BCAS3: variants seen among roughly 807,000 people sequenced by gnomAD.
The protein encoded by BCAS3 is BCAS4/BCAS3 fusion.
BCAS3 carries 53 observed loss-of-function variants against 116.1 expected under a neutral mutation model. The ratio of observed to expected loss-of-function variants is 0.46; its 90% CI spans 0.37 to 0.57. The LOEUF (loss-of-function observed/expected upper bound fraction) is 0.57. BCAS3 is among the 20% of genes least tolerant of loss of function. The pLI is 0.00. For missense variants in BCAS3, 917 were observed against 1,165.4 expected (o/e 0.79, Z 3.10); for synonymous variants, 391 against 408.2 (o/e 0.96, Z 0.51).
chr17:61,000,130 TA>T (rs959301713), intron 15 of BCAS3, among the ~76,000 whole-genome samples: 1 of 151,912 alleles, frequency 6.6e-6, no homozygotes, highest in Non-Finnish European at 1.5e-5. Context: ...TTATTTCTGT[TA>T]CCTAATCACT....
chr17:60,951,952 A>C (rs2060864297), intron 14 of BCAS3, among the ~76,000 whole-genome samples: 1 of 151,594 alleles, frequency 6.6e-6, no homozygotes, highest in Non-Finnish European at 1.5e-5. Context: ...TTGTATTTTT[A>C]GTAGAGACAG....
Position 60,924,416 on chromosome 17 carries a change from A to C in BCAS3, c.1003A>C (p.Ser335Arg). ...ETVGEGQVLV[S>R]EDSDSDGIVA... is the part of the protein sequence containing the mutation. ...TTATTTCTTTGTGAAGGTGCTTGTG[A>C]GTGAGGATTCTGACAGTGATGGCAT... is the stretch of plus-strand genomic sequence containing the variant. Residue 335 changes from serine to arginine, a missense_variant, in exon 13 of 24, where the codon AGT (serine) becomes CGT (arginine). Around this residue, in one of 3 missense-constraint regions of BCAS3, gnomAD observed 807 missense variants for 1,026.0 expected, o/e 0.79. Transcript: ENST00000407086. The C allele has an allele frequency of 6.2e-7, 1 of 1,610,092 alleles. No individual in the cohort carries two copies. The highest frequency in any genetic ancestry group is 8.5e-7 in the Non-Finnish European group (1 of 1,177,778).
intron 5 of BCAS3, among the ~76,000 whole-genome samples, chr17:60,730,527 C>G (rs2040353894): frequency 6.6e-6 from 1 of 152,106 alleles, no homozygotes; most frequent in Non-Finnish European, 1.5e-5. Context: ...TACTGACACT[C>G]TGATATTAAC....
rs2057380947 is a variant in BCAS3, at chr17:61,344,505, T to C, written c.2426-23822T>C. ...TGGGTCCTAAGTTTTGAGGGTACCA[T>C]GGAGAGCAAAGTAGATGATATCTCT... On this transcript the variant is annotated intron_variant, in intron 22 of 23. Transcript: ENST00000407086. This position sits in a 1 kb window ranked among gnomAD's most constrained non-coding sequence, Gnocchi z 4.1. Among the ~76,000 whole-genome samples the C allele has an allele frequency of 3.3e-5, 5 of 152,152 alleles. No individual in the cohort carries two copies. Among genetic ancestry groups the C allele is most frequent in the Admixed American group, 3.3e-4 (5 of 15,286 alleles).
At chr17:60,891,855 G>T (rs1169357753) in intron 10 of BCAS3, 2 of 391,164 alleles carry the variant, frequency 5.1e-6, no homozygotes, top group Non-Finnish European at 1.0e-5. Context: ...TCATCATCAT[G>T]TGTACCCATT....
intron 5 of BCAS3, among the ~76,000 whole-genome samples, chr17:60,731,511 A>G (rs754923908): frequency 4.6e-5 from 7 of 152,214 alleles, no homozygotes; most frequent in Non-Finnish European, 8.8e-5. Context: ...CTTAATGTGT[A>G]TATTTAAATG....
At chr17:60,893,748 A>G (rs1334327093) in intron 10 of BCAS3, among the ~76,000 whole-genome samples, 2 of 151,724 alleles carry the variant, frequency 1.3e-5, no homozygotes, top group African/African-American at 4.8e-5. Flanking sequence ...AGCCGGGACT[A>G]TAGGCACATG....
rs1326375756 is a variant in BCAS3, at chr17:60,993,187, G to T, written c.1486+2952G>T. Among the ~76,000 whole-genome samples, 1 of 152,188 alleles carries T rather than the reference G, an allele frequency of 6.6e-6. No individual in the cohort carries two copies. The highest frequency in any genetic ancestry group is 1.5e-5 in the Non-Finnish European group (1 of 68,020). On this transcript the variant is annotated intron_variant, in intron 15 of 23. Transcript: ENST00000407086. The surrounding 1 kb of genome is among the most constrained non-coding windows in gnomAD (Gnocchi z 4.2). ...ATCTTGTATTCCACGGGAAAAGACA[G>T]ATATTAAATGACTGTGAACAAATAC...
rs1321938067 is a variant in BCAS3 at position 61,118,254 on chromosome 17, G to T, written c.2425+33690G>T. On this transcript the variant is annotated intron_variant, in intron 22 of 23. Coordinates refer to ENST00000407086, the MANE Select transcript of BCAS3 (RefSeq NM_017679.5). This position sits in a 1 kb window ranked among gnomAD's most constrained non-coding sequence, Gnocchi z 5.0. ...CACACTACTGTTACCACCCAATCAG[G>T]TTACTACTTGGGAGAGATGGAAGTC... Among the ~76,000 whole-genome samples, 1 of 152,102 alleles carries T rather than the reference G, an allele frequency of 6.6e-6. No individual in the cohort carries two copies. Among genetic ancestry groups the T allele is most frequent in the Non-Finnish European group, 1.5e-5 (1 of 68,010 alleles).
chr17:61,274,437 T>A (rs1255036046), intron 22 of BCAS3, among the ~76,000 whole-genome samples: 2 of 151,790 alleles, frequency 1.3e-5, no homozygotes, highest in African/African-American at 4.8e-5. Flanking sequence ...CACAGGCGTG[T>A]GCCACCACAC....
intron 15 of BCAS3, among the ~76,000 whole-genome samples, chr17:60,996,277 G>C (rs1186923653): frequency 6.6e-6 from 1 of 152,178 alleles, no homozygotes; most frequent in Non-Finnish European, 1.5e-5. Context: ...ACTTAGTTGA[G>C]ACCAGTTAGG....
chr17:60,705,335 A>G lies in BCAS3; in HGVS notation c.215-3884A>G, dbSNP rs181059442. ...GGAGTTCGAGACCAGCCTGGCCAAC[A>G]TGGCGAAACCCTGTCTCTACTAAAA... is the stretch of plus-strand genomic sequence containing the variant. On this transcript the variant is annotated intron_variant, in intron 4 of 23. Coordinates refer to ENST00000407086, the MANE Select transcript of BCAS3 (RefSeq NM_017679.5). Among the ~76,000 whole-genome samples, 454 of 152,246 alleles carry G rather than the reference A, an allele frequency of 3.0e-3. 1 individual carries two copies. Among genetic ancestry groups the G allele is most frequent in the Middle Eastern group, 0.017 (5 of 294 alleles).
chr17:61,244,256 T>G lies in BCAS3; in HGVS notation c.2426-124071T>G, dbSNP rs1568654036. 6.6e-6 allele frequency among the ~76,000 whole-genome samples: 1 copy of G among 152,224 alleles called. No individual in the cohort carries two copies. Among genetic ancestry groups the G allele is most frequent in the African/African-American group, 2.4e-5 (1 of 41,470 alleles). ...TAACAACTATTAACATTATGGTATT[T>G]ATTAAGATTCTTCTATGCATTTGTA... On this transcript the variant is annotated intron_variant, in intron 22 of 23. Transcript: ENST00000407086. This position sits in a 1 kb window ranked among gnomAD's most constrained non-coding sequence, Gnocchi z 4.9.
intron 4 of BCAS3, among the ~76,000 whole-genome samples, chr17:60,692,806 A>AATCGTTTCAACCCAGGAGGTGGAGG (rs1555661344): frequency 2.7e-5 from 4 of 148,412 alleles, no homozygotes; most frequent in Non-Finnish European, 5.9e-5. Flanking sequence ...TGAGGAGGAG[A>AATCGTTTCAACCCAGGAGGTGGAGG]ATCGTTTGAA....
rs554995400 is a variant in BCAS3 at position 61,203,488 on chromosome 17, T to G, written c.2425+118924T>G. On this transcript the variant is annotated intron_variant, in intron 22 of 23. Coordinates refer to ENST00000407086, the MANE Select transcript of BCAS3 (RefSeq NM_017679.5). The surrounding 1 kb of genome is among the most constrained non-coding windows in gnomAD (Gnocchi z 5.7). ...CAATTTTTATTTTGTCTTCCTGATT[T>G]CTGGGGGATAAGAGGGGAACCAAAA... Among the ~76,000 whole-genome samples the G allele has an allele frequency of 2.0e-5, 3 of 152,242 alleles. No individual in the cohort carries two copies. In the East Asian group the frequency reaches 5.8e-4, roughly 29 times the overall value.
intron 4 of BCAS3, among the ~76,000 whole-genome samples, chr17:60,692,057 A>G (rs2034902437): frequency 6.6e-6 from 1 of 151,972 alleles, no homozygotes; most frequent in Admixed American, 6.6e-5. Flanking sequence ...TGTCTCAAAA[A>G]AAAAAAAAAA....
In BCAS3 at chr17:60,855,452, A is replaced by ATTTTTT. The variant is rs565603643; in HGVS notation, c.477-13109_477-13104dup. ...CAGCATTTGTTGTCACTATTTTTAA[A>ATTTTTT]TTTTTTTTTTTTTTTTTTTTGAGGC... On this transcript the variant is annotated intron_variant, in intron 7 of 23. Coordinates refer to ENST00000407086, the MANE Select transcript of BCAS3 (RefSeq NM_017679.5). 7.5e-4 allele frequency among the ~76,000 whole-genome samples: 94 copies of ATTTTTT among 125,760 alleles called. 1 individual carries two copies. The highest frequency in any genetic ancestry group is 2.1e-3 in the African/African-American group (69 of 32,558). 82.5% of individuals were successfully genotyped at this position (125,760 alleles called of 152,430 possible). A position where few individuals can be genotyped will look rare whatever the true frequency, so the allele number is the denominator to read the frequency against.
intron 14 of BCAS3, among the ~76,000 whole-genome samples, chr17:60,966,417 G>C (rs553657915): frequency 2.0e-5 from 3 of 152,266 alleles, no homozygotes; most frequent in South Asian, 4.1e-4. Flanking sequence ...TTGTGGGTAA[G>C]TTATTTTCTC....
At chr17:60,789,138 C>G (rs1005961640) in intron 6 of BCAS3, among the ~76,000 whole-genome samples, 3 of 152,152 alleles carry the variant, frequency 2.0e-5, no homozygotes, top group African/African-American at 7.2e-5. Flanking sequence ...TTTCAGCATA[C>G]TTTTGCATAA....
Sources: gnomAD v4.1 joint callset for allele counts (sites outside exome capture counted in the v4.1 genomes callset) on GRCh38, gnomAD v4.1.1 for gene constraint, gnomAD v4.1.1 regional missense constraint, Gnocchi (gnomAD v3.1) non-coding constraint, MANE v1.5 for transcripts, NCBI Gene and HGNC (gene_info 2026-07-23, HGNC 2026-07-21) for gene names.